Variants in BRD8 observed in about 807,000 individuals in gnomAD.
The protein encoded by BRD8 is bromodomain containing 8.
BRD8 carries 67 observed loss-of-function variants against 143.1 expected under a neutral mutation model. The observed-to-expected ratio is 0.47, with a 90% CI of 0.38 to 0.57. BRD8 has a LOEUF of 0.57. Among genes scored for constraint, BRD8 ranks in the 20% least tolerant of loss-of-function variants. BRD8 has a pLI of 0.00. For synonymous variants in BRD8, 505 were observed against 517.1 expected, an observed-to-expected ratio of 0.98 and a Z score of 0.32; for missense variants, 1,103 against 1,503.0, an observed-to-expected ratio of 0.73 and a Z score of 4.40.
At chr5:138,164,575 T>C (rs1227216601) in intron 12 of BRD8, 139 bp downstream of exon 12, 3 of 1,151,052 alleles carry the variant, frequency 2.6e-6, no homozygotes, top group East Asian at 4.9e-5. Flanking sequence ...TATATAACAC[T>C]AATCACAGCC....
intron 11 of BRD8, 127 bp from the exon 12 acceptor site, chr5:138,165,293 C>T: frequency 9.8e-7 from 1 of 1,024,702 alleles, no homozygotes; most frequent in Non-Finnish European, 1.4e-6. Context: ...GTAGTGGAGG[C>T]AAACAATGAA....
chr5:138,162,219 A>G, intron 15 of BRD8, 73 bp from the exon 16 acceptor site: 2 of 1,224,890 alleles, frequency 1.6e-6, no homozygotes, highest in Non-Finnish European at 1.1e-6. Context: ...TTTCTTTTTG[A>G]GACAGGGTCT....
intron 11 of BRD8, 102 bp downstream of exon 11, chr5:138,165,726 C>CAAAA (rs374362323): frequency 5.0e-5 from 47 of 946,306 alleles, no homozygotes; most frequent in Middle Eastern, 3.5e-4. Context: ...ACTCTGTCTC[C>CAAAA]AAAAAAAAAA....
chr5:138,165,767 G>C, intron 11 of BRD8, 61 bp downstream of exon 11: 1 of 1,501,708 alleles, frequency 6.7e-7, no homozygotes. Flanking sequence ...CCAAAGTGAG[G>C]CTGAAAAGAG....
intron 21 of BRD8, among the ~76,000 whole-genome samples, chr5:138,152,147 C>T (rs1489171660): frequency 3.9e-5 from 6 of 152,102 alleles, no homozygotes; most frequent in East Asian, 1.9e-4. Flanking sequence ...TGAGCCACTG[C>T]GCCCGGCCAT....
chr5:138,167,806 CA>C (rs1007940221), intron 9 of BRD8, 127 bp downstream of exon 9: 96 of 789,816 alleles, frequency 1.2e-4, no homozygotes, highest in Non-Finnish European at 1.5e-4. Flanking sequence ...AAAGTAGCTC[CA>C]AAAAAAAGTT....
intron 20 of BRD8, among the ~76,000 whole-genome samples, chr5:138,156,553 G>A (rs944751843): frequency 3.9e-5 from 6 of 152,162 alleles, no homozygotes; most frequent in Admixed American, 1.3e-4. Context: ...TGTTCCTGAG[G>A]TAAGGGTCAA....
intron 3 of BRD8, 140 bp downstream of exon 3, chr5:138,171,925 G>C (rs988338679): frequency 1.6e-5 from 12 of 730,934 alleles, no homozygotes; most frequent in Non-Finnish European, 2.4e-5. Context: ...TTAGCAAACA[G>C]TAGGAAAAAG....
At position 138,164,881 on chromosome 5, in the gene BRD8, C is replaced by T. The variant is rs926956331; in HGVS notation, c.1564G>A (p.Ala522Thr). The T allele has an allele frequency of 1.2e-6, 2 of 1,614,100 alleles. No homozygotes were observed. The highest frequency in any genetic ancestry group is 1.7e-5 in the Admixed American group (1 of 59,992). ...PAEPEPVISGAEIVAGVVPAT... is the reference protein window; with the variant it reads ...PAEPEPVISGTEIVAGVVPAT... ...GGAACAACTCCAGCTACTATTTCGGCTCCTGAAATGACTGGCTCTGGTTCT... is the reference window on the plus strand; with the variant it reads ...GGAACAACTCCAGCTACTATTTCGGTTCCTGAAATGACTGGCTCTGGTTCT... The change falls in exon 12 of 27, where the codon GCC (alanine) becomes ACC (threonine). Residue 522 changes from alanine to threonine, a missense_variant. Coordinates refer to ENST00000254900, the MANE Select transcript of BRD8 (RefSeq NM_139199.2).
chr5:138,152,670 A>G lies in BRD8; in HGVS notation c.2668T>C (p.Trp890Arg). The change falls in exon 21 of 27, where the codon TGG becomes CGG. Residue 890 changes from tryptophan (W) to arginine (R), a missense_variant. Trp to Arg is a moderately radical substitution (Grantham distance 101). Transcript: ENST00000254900. ...ACATCAAGATCCAGACTGGAGTCCC[A>G]TGAGCTGAAGAGGGACCTGCAGTCA... ...SNDCRSLFSSWDSSLDLDVGN... is the reference protein window; with the variant it reads ...SNDCRSLFSSRDSSLDLDVGN... The G allele has an allele frequency of 6.2e-7, 1 of 1,614,192 alleles. No homozygotes were observed. Among genetic ancestry groups the G allele is most frequent in the South Asian group, 1.1e-5 (1 of 91,074 alleles).
chr5:138,146,039 A>G (rs148385589), intron 23 of BRD8, among the ~76,000 whole-genome samples, 161 bp from the exon 24 acceptor site: 39 of 152,132 alleles, frequency 2.6e-4, no homozygotes, highest in African/African-American at 8.9e-4. Context: ...ATTAATATCT[A>G]TTGTTTTCTC....
chr5:138,146,462 C>T (rs1012970100), intron 23 of BRD8, among the ~76,000 whole-genome samples: 9 of 149,932 alleles, frequency 6.0e-5, no homozygotes, highest in South Asian at 4.2e-4. Context: ...CTCAAGCGAT[C>T]CTCCTGCCTC....
intron 8 of BRD8, chr5:138,168,672 A>C: frequency 5.0e-6 from 8 of 1,592,502 alleles, no homozygotes; most frequent in Non-Finnish European, 6.8e-6. Flanking sequence ...GGTACTCGGC[A>C]AAGTCCCGGG....
At chr5:138,149,131 C>T (rs926753454) in intron 23 of BRD8, among the ~76,000 whole-genome samples, 52 of 151,916 alleles carry the variant, frequency 3.4e-4, no homozygotes, top group Non-Finnish European at 2.5e-4. Flanking sequence ...TTAGCTCCAT[C>T]ACCCAGGCTG....
intron 8 of BRD8, chr5:138,168,469 C>T (rs977072931): frequency 2.5e-6 from 4 of 1,601,454 alleles, no homozygotes; most frequent in Non-Finnish European, 3.4e-6. Context: ...AGTCTCCATA[C>T]CAGTCTGGGG....
rs755013824 is a variant in BRD8, at chr5:138,171,431, A to T, written c.187-21T>A. The T allele has an allele frequency of 3.9e-5, 42 of 1,069,832 alleles. No homozygotes were observed. In the East Asian group the frequency reaches 1.0e-3, roughly 26 times the overall value. 66.3% of individuals were successfully genotyped at this position (1,069,832 alleles called of 1,614,324 possible). A position where few individuals can be genotyped will look rare whatever the true frequency, so the allele number is the denominator to read the frequency against. ...CAATGCTATTAAAAAAAAAAAAAAA[A>T]GTGAAAATGTGATGAGCAAGGCTGG... is the stretch of plus-strand genomic sequence containing the variant. On this transcript the variant is annotated intron_variant, in intron 3 of 26. Transcript: ENST00000254900.
In BRD8 at chr5:138,149,693, A is replaced by C; in HGVS notation, c.3225T>G (p.Ile1075Met). The change falls in exon 23 of 27, where the codon ATT becomes ATG. Residue 1075 changes from isoleucine to methionine, a missense_variant. Physicochemically the swap from Ile to Met is conservative, Grantham distance 10. Around this residue, in one of 7 missense-constraint regions of BRD8, gnomAD observed 369 missense variants for 445.5 expected, o/e 0.83. Coordinates refer to ENST00000254900, the MANE Select transcript of BRD8 (RefSeq NM_139199.2). Reference sequence around the variant, plus strand: ...GTGTATCCACCAAGGGAGTCTCCTTAATGTTAAAGGCATCATCACACTCGC... The same window carrying C: ...GTGTATCCACCAAGGGAGTCTCCTTCATGTTAAAGGCATCATCACACTCGC... ...PSGECDDAFN[I>M]KETPLVDTLF... 6.2e-7 allele frequency: 1 copy of C among 1,613,592 alleles called. No homozygotes were observed. Among genetic ancestry groups the C allele is most frequent in the Non-Finnish European group, 8.5e-7 (1 of 1,179,792 alleles).
intron 15 of BRD8, 126 bp from the exon 16 acceptor site, chr5:138,162,272 C>T: frequency 2.9e-6 from 2 of 694,788 alleles, no homozygotes; most frequent in Non-Finnish European, 4.7e-6. Flanking sequence ...TGATCATGTT[C>T]ATTGCACCCT....
chr5:138,142,024 C>T (rs1392783310), intron 25 of BRD8, among the ~76,000 whole-genome samples: 1 of 151,766 alleles, frequency 6.6e-6, no homozygotes, highest in Non-Finnish European at 1.5e-5. Context: ...CATGTTGAAA[C>T]TTAATCCCAA....
Sources: allele counts gnomAD v4.1 joint callset (sites outside exome capture counted in the v4.1 genomes callset), GRCh38; gene constraint gnomAD v4.1.1; regional missense constraint gnomAD v4.1.1; transcripts MANE v1.5; gene names NCBI Gene and HGNC (gene_info 2026-07-23, HGNC 2026-07-21).